Variants in EXOC2 observed in about 807,000 individuals in gnomAD.
EXOC2 encodes exocyst complex component 2.
In EXOC2, 70 loss-of-function variants were observed where a neutral mutation model predicts 131.8. The ratio of observed to expected loss-of-function variants is 0.53; its 90% CI spans 0.44 to 0.65. The LOEUF is 0.65. Among genes scored for constraint, EXOC2 ranks in the 30% least tolerant of loss-of-function variants. EXOC2 has a pLI of 0.00. For missense variants in EXOC2, 923 were observed against 1,108.6 expected (o/e 0.83, Z 2.38); for synonymous variants, 411 against 398.4 (o/e 1.03, Z -0.38).
At chr6:526,760 G>A (rs1765773042) in intron 23 of EXOC2, among the ~76,000 whole-genome samples, 1 of 152,030 alleles carries the variant, frequency 6.6e-6, no homozygotes, top group South Asian at 2.1e-4. Context: ...TTCTAATGGA[G>A]GCTGTTTATT....
intron 13 of EXOC2, among the ~76,000 whole-genome samples, chr6:568,499 A>G (rs1360369177): frequency 1.3e-5 from 2 of 152,144 alleles, no homozygotes; most frequent in African/African-American, 4.8e-5. Flanking sequence ...CTCCATAATG[A>G]CATGTGCCAA....
chr6:580,446 T>C (rs934774947), intron 11 of EXOC2, among the ~76,000 whole-genome samples: 1 of 152,234 alleles, frequency 6.6e-6, no homozygotes, highest in African/African-American at 2.4e-5. Context: ...ACTTGTTCTC[T>C]TGGCAGTAAA....
intron 24 of EXOC2, among the ~76,000 whole-genome samples, chr6:497,853 A>G (rs1327849261): frequency 2.0e-5 from 3 of 152,240 alleles, no homozygotes; most frequent in African/African-American, 7.2e-5. Flanking sequence ...ATATTTTACC[A>G]CAATTTAAAA....
Position 564,072 on chromosome 6 carries a change from C to T in EXOC2, c.1750G>A (p.Val584Ile), listed in dbSNP as rs1318017125. 2.5e-6 allele frequency: 4 copies of T among 1,614,136 alleles called. No individual in the cohort carries two copies. Among genetic ancestry groups the T allele is most frequent in the Non-Finnish European group, 3.4e-6 (4 of 1,180,030 alleles). Reference sequence around the variant, plus strand: ...TGCAACGTGGCCATTACGCAACGTACTCGGAGATCCAAGATGAGATCCTGG... The same window carrying T: ...TGCAACGTGGCCATTACGCAACGTATTCGGAGATCCAAGATGAGATCCTGG... ...TIQDLILDLR[V>I]RCVMATLQHT... Residue 584 changes from valine (V) to isoleucine (I), a missense_variant, in exon 16 of 28, where the codon GTA becomes ATA. Coordinates refer to ENST00000230449, the MANE Select transcript of EXOC2 (RefSeq NM_018303.6).
intron 26 of EXOC2, 58 bp downstream of exon 26, chr6:491,067 C>T: frequency 1.3e-6 from 2 of 1,539,348 alleles, no homozygotes; most frequent in East Asian, 4.5e-5. Context: ...ACAGAATTGA[C>T]TAGTAAGACA....
chr6:516,670 G>C (rs1454037780), intron 23 of EXOC2, among the ~76,000 whole-genome samples: 2 of 152,244 alleles, frequency 1.3e-5, no homozygotes, highest in Admixed American at 6.5e-5. Flanking sequence ...TGGGGGAAGA[G>C]GATGCCAAGA....
At chr6:597,053 G>C (rs1393743641) in intron 10 of EXOC2, among the ~76,000 whole-genome samples, 1 of 152,164 alleles carries the variant, frequency 6.6e-6, no homozygotes, top group Non-Finnish European at 1.5e-5. Context: ...TTCAGATGAA[G>C]AAACCGAAAA....
At chr6:560,016 A>G (rs763241844) in intron 17 of EXOC2, among the ~76,000 whole-genome samples, 2 of 152,238 alleles carry the variant, frequency 1.3e-5, no homozygotes, top group Non-Finnish European at 2.9e-5. Flanking sequence ...TGGTGGCCCA[A>G]TGATCCCTTC....
Position 486,653 on chromosome 6 carries a change from C to G in EXOC2, c.*18G>C. 6.2e-7 allele frequency: 1 copy of G among 1,609,638 alleles called. No homozygotes were observed. On this transcript the variant is annotated 3_prime_UTR_variant, in exon 28 of 28. Transcript: ENST00000230449. ...TATTACGTGTTATTTTCCTGGACTT[C>G]TTTTATGTGGCAGATATTTATGTTT...
intron 21 of EXOC2, 60 bp from the exon 22 acceptor site, chr6:549,351 T>A: frequency 8.2e-7 from 1 of 1,224,890 alleles, no homozygotes; most frequent in South Asian, 1.3e-5. Flanking sequence ...AATAGCTGAT[T>A]AACACTTGTC....
intron 12 of EXOC2, among the ~76,000 whole-genome samples, chr6:572,849 C>T (rs536248031): frequency 6.6e-6 from 1 of 152,332 alleles, no homozygotes; most frequent in South Asian, 2.1e-4. Context: ...TCTCCTTGCC[C>T]TCTGGCAAGG....
At chr6:537,335 T>G (rs1291369680) in intron 22 of EXOC2, among the ~76,000 whole-genome samples, 1 of 129,922 alleles carries the variant, frequency 7.7e-6, no homozygotes, top group African/African-American at 3.0e-5. Context: ...CGACGGAGCG[T>G]ACACTCGAGT....
intron 23 of EXOC2, among the ~76,000 whole-genome samples, chr6:528,164 T>C (rs1341545742): frequency 6.6e-6 from 1 of 152,146 alleles, no homozygotes; most frequent in Admixed American, 6.5e-5. Flanking sequence ...AAAACATCGC[T>C]ACGGCTTTAA....
At chr6:553,387 ATAAG>A (rs1008435950) in intron 21 of EXOC2, among the ~76,000 whole-genome samples, 6 of 73,218 alleles carry the variant, frequency 8.2e-5, no homozygotes, top group African/African-American at 3.4e-4. Context: ...CTGTTTGTGT[ATAAG>A]TGTGTGTGTG....
intron 26 of EXOC2, 127 bp from the exon 27 acceptor site, chr6:489,165 T>TAA (rs922708248): frequency 6.9e-6 from 6 of 870,164 alleles, no homozygotes. Context: ...TGAGAAAAAG[T>TAA]AAAAGTGAAA....
chr6:574,259 C>A (rs1280941996), intron 12 of EXOC2, among the ~76,000 whole-genome samples: 2 of 152,214 alleles, frequency 1.3e-5, no homozygotes, highest in Non-Finnish European at 2.9e-5. Context: ...ATTGCTGGGA[C>A]AAAGAGCACC....
intron 1 of EXOC2, among the ~76,000 whole-genome samples, chr6:680,700 G>T (rs1269311163): frequency 1.3e-5 from 2 of 152,116 alleles, no homozygotes; most frequent in Non-Finnish European, 2.9e-5. Context: ...TGGGCTGGGG[G>T]TGGTGCTCAT....
intron 23 of EXOC2, among the ~76,000 whole-genome samples, chr6:514,131 G>A (rs1765004539): frequency 1.3e-5 from 2 of 152,184 alleles, no homozygotes; most frequent in Non-Finnish European, 2.9e-5. Context: ...TAAAAGAAAG[G>A]GGTGTGATAG....
intron 1 of EXOC2, among the ~76,000 whole-genome samples, chr6:638,708 G>A (rs113036011): frequency 1.3e-5 from 2 of 152,126 alleles, no homozygotes; most frequent in African/African-American, 2.4e-5. Flanking sequence ...CGAGGCGGGC[G>A]GATCACGAGT....
Sources: allele counts gnomAD v4.1 joint callset (sites outside exome capture counted in the v4.1 genomes callset), GRCh38; gene constraint gnomAD v4.1.1; transcripts MANE v1.5; gene names NCBI Gene and HGNC (gene_info 2026-07-23, HGNC 2026-07-21).